DNAH6: variants seen among roughly 807,000 people sequenced by gnomAD.
DNAH6 encodes the protein dynein axonemal heavy chain 6.
DNAH6 carries 340 observed loss-of-function variants against 491.4 expected under a neutral mutation model. That is an observed-to-expected ratio of 0.69 (90% CI 0.63 to 0.76). The LOEUF (loss-of-function observed/expected upper bound fraction) is 0.76. Ranked by LOEUF, DNAH6 falls within the 30% of genes least tolerant of loss-of-function variation. DNAH6 has a pLI of 0.00. For missense variants in DNAH6, 4,443 were observed against 4,972.2 expected, an observed-to-expected ratio of 0.89 and a Z score of 3.20; for synonymous variants, 1,603 against 1,686.1, an observed-to-expected ratio of 0.95 and a Z score of 1.21.
chr2:84,815,841 G>A lies in DNAH6; in HGVS notation c.12151-20G>A. ...TCCCTTTTCCCCCATCTCACTTTGA[G>A]ACTTGTGGGTATCTTTCAGTTGCCC... On this transcript the variant is annotated intron_variant, in intron 75 of 76. Coordinates refer to ENST00000389394, the MANE Select transcript of DNAH6 (RefSeq NM_001370.2). 2 of 1,533,490 alleles carry A rather than the reference G, an allele frequency of 1.3e-6. No individual in the cohort carries two copies. Among genetic ancestry groups the A allele is most frequent in the Non-Finnish European group, 1.8e-6 (2 of 1,132,694 alleles). 95.0% of individuals were successfully genotyped at this position (1,533,490 alleles called of 1,614,324 possible).
chr2:84,618,866 T>C (rs1480755617), intron 23 of DNAH6, among the ~76,000 whole-genome samples: 1 of 152,104 alleles, frequency 6.6e-6, no homozygotes, highest in African/African-American at 2.4e-5. Flanking sequence ...TTTGTAGGCT[T>C]TACATTCTCT....
At chr2:84,710,733 A>C (rs189877829) in intron 56 of DNAH6, among the ~76,000 whole-genome samples, 14 of 152,320 alleles carry the variant, frequency 9.2e-5, no homozygotes, top group Admixed American at 5.9e-4. Flanking sequence ...AGTCAGGATT[A>C]TGTACATACA....
At position 84,619,812 on chromosome 2, in the gene DNAH6, C is replaced by T. The variant is rs1208900841; in HGVS notation, c.3700C>T (p.Pro1234Ser). ...AAAGCTCGAATTTGCTCTCATGCCT[C>T]CTGCCGAAGGAAAGATTCCTGGTAT... ...ISKLEFALMPPAEGKIPGIDG... is the reference protein window; with the variant it reads ...ISKLEFALMPSAEGKIPGIDG... The change falls in exon 24 of 77, where the codon CCT becomes TCT. Residue 1234 changes from proline to serine, a missense_variant. Coordinates refer to ENST00000389394, the MANE Select transcript of DNAH6 (RefSeq NM_001370.2). The T allele has an allele frequency of 6.4e-7, 1 of 1,551,474 alleles. No individual in the cohort carries two copies. The highest frequency in any genetic ancestry group is 2.4e-5 in the East Asian group (1 of 40,908).
intron 38 of DNAH6, among the ~76,000 whole-genome samples, chr2:84,669,835 G>C (rs1233148510): frequency 6.6e-6 from 1 of 152,132 alleles, no homozygotes; most frequent in Admixed American, 6.5e-5. Context: ...GAGTTTGCAT[G>C]CCCAAAAGAC....
intron 51 of DNAH6, among the ~76,000 whole-genome samples, chr2:84,705,135 CCTGG>C (rs1696304728): frequency 6.6e-6 from 1 of 152,152 alleles, no homozygotes; most frequent in Non-Finnish European, 1.5e-5. Context: ...ATTGTAGTGT[CCTGG>C]CAGGTGATTT....
chr2:84,656,739 T>C (rs1370132342), intron 35 of DNAH6, among the ~76,000 whole-genome samples: 1 of 152,084 alleles, frequency 6.6e-6, no homozygotes, highest in East Asian at 1.9e-4. Flanking sequence ...CTATGGCTTG[T>C]CTTTTTATTT....
intron 4 of DNAH6, among the ~76,000 whole-genome samples, chr2:84,542,120 A>ATCC (rs1290674479): frequency 6.6e-6 from 1 of 152,208 alleles, no homozygotes; most frequent in Non-Finnish European, 1.5e-5. Context: ...AGAATTCAAC[A>ATCC]TCATGGACCA....
chr2:84,749,989 CTT>C lies in DNAH6; in HGVS notation c.10512+4741_10512+4742del, dbSNP rs554376853. Among the ~76,000 whole-genome samples the C allele has an allele frequency of 2.0e-4, 31 of 152,202 alleles. 1 individual carries two copies. In the South Asian group the frequency reaches 3.1e-3, roughly 15 times the overall value. On this transcript the variant is annotated intron_variant, in intron 63 of 76. Coordinates refer to ENST00000389394, the MANE Select transcript of DNAH6 (RefSeq NM_001370.2). ...TGTATAAGCTTTATTTAGATCCTAA[CTT>C]AACATACTAAATATACATAATTACA...
intron 14 of DNAH6, among the ~76,000 whole-genome samples, chr2:84,582,631 T>A (rs1186363269): frequency 6.6e-6 from 1 of 152,174 alleles, no homozygotes; most frequent in Non-Finnish European, 1.5e-5. Context: ...TTTTTCTATT[T>A]TTAGTAGAGA....
chr2:84,743,652 T>C (rs1442963820), intron 62 of DNAH6, among the ~76,000 whole-genome samples: 4 of 152,080 alleles, frequency 2.6e-5, no homozygotes, highest in Non-Finnish European at 5.9e-5. Flanking sequence ...TGAAATCCCA[T>C]CTCTACTAAA....
chr2:84,667,227 C>G (rs1056429189), intron 37 of DNAH6, among the ~76,000 whole-genome samples: 16 of 152,188 alleles, frequency 1.1e-4, no homozygotes, highest in African/African-American at 1.9e-4. Context: ...GCAATGGCAA[C>G]AAAAGCCAAA....
intron 74 of DNAH6, 147 bp downstream of exon 74, chr2:84,813,277 C>T (rs1680174578): frequency 1.5e-6 from 1 of 646,866 alleles, no homozygotes; most frequent in Non-Finnish European, 2.7e-6. Context: ...TCGTGCTCTT[C>T]CTCACTTGTG....
chr2:84,507,714 A>AC, the DNAH6 span, among the ~76,000 whole-genome samples: 1 of 152,158 alleles, frequency 6.6e-6, no homozygotes, highest in Non-Finnish European at 1.5e-5. Context: ...TGTCATAGAT[A>AC]GCTCTTATTA....
At chr2:84,799,633 A>T (rs2105296709) in intron 70 of DNAH6, among the ~76,000 whole-genome samples, 1 of 152,174 alleles carries the variant, frequency 6.6e-6, no homozygotes, top group East Asian at 1.9e-4. Context: ...ACTCACTCTA[A>T]CTTTGGCAAG....
chr2:84,606,935 A>G (rs1312750722), intron 20 of DNAH6, 41 bp from the exon 21 acceptor site: 2 of 1,537,918 alleles, frequency 1.3e-6, no homozygotes, highest in South Asian at 2.4e-5. Flanking sequence ...GAAAGCACAA[A>G]TACTGGGTGC....
At chr2:84,808,337 G>C in intron 71 of DNAH6, 78 bp from the exon 72 acceptor site, 1 of 1,403,264 alleles carries the variant, frequency 7.1e-7, no homozygotes, top group Non-Finnish European at 9.3e-7. Flanking sequence ...AAAATGTTAA[G>C]ATAAGCACAT....
intron 11 of DNAH6, among the ~76,000 whole-genome samples, chr2:84,563,042 A>G (rs1680831868): frequency 6.6e-6 from 1 of 152,092 alleles, no homozygotes; most frequent in African/African-American, 2.4e-5. Context: ...TGGTTTTATA[A>G]AGGGCAGTTC....
chr2:84,478,743 A>G, the DNAH6 span, among the ~76,000 whole-genome samples: 1 of 152,168 alleles, frequency 6.6e-6, no homozygotes, highest in African/African-American at 2.4e-5. Context: ...TAGGCCCAAC[A>G]ACAATCTTGG....
chr2:84,724,064 T>C (rs1313211605), intron 60 of DNAH6, among the ~76,000 whole-genome samples: 1 of 152,212 alleles, frequency 6.6e-6, no homozygotes, highest in East Asian at 1.9e-4. Flanking sequence ...TCCTACTTCC[T>C]GTTGGCAGTG....
Sources: gnomAD v4.1 joint callset for allele counts (sites outside exome capture counted in the v4.1 genomes callset) on GRCh38, gnomAD v4.1.1 for gene constraint, MANE v1.5 for transcripts, NCBI Gene and HGNC (gene_info 2026-07-23, HGNC 2026-07-21) for gene names.